The following PARD3 variants were observed in gnomAD, a reference collection of about 807,000 sequenced individuals.
The protein encoded by PARD3 is par-3 family cell polarity regulator.
A neutral mutation model predicts 155.4 loss-of-function variants in PARD3; 75 were observed. That is an observed-to-expected ratio of 0.48 (90% CI 0.40 to 0.58). The LOEUF (loss-of-function observed/expected upper bound fraction) is 0.58. Ranked by LOEUF, PARD3 falls within the 20% of genes least tolerant of loss-of-function variation. The pLI, the probability that PARD3 is intolerant of heterozygous loss-of-function variation, is 0.00. For synonymous variants in PARD3, 576 were observed against 610.5 expected, an observed-to-expected ratio of 0.94 and a Z score of 0.83; for missense variants, 1,642 against 1,721.7, an observed-to-expected ratio of 0.95 and a Z score of 0.82.
intron 2 of PARD3, among the ~76,000 whole-genome samples, chr10:34,577,365 G>A (rs988649329): frequency 2.0e-5 from 3 of 152,124 alleles, no homozygotes; most frequent in Non-Finnish European, 2.9e-5. Context: ...ATATGCTGTA[G>A]AATTTGCTTA....
At chr10:34,677,800 C>A (rs1424843428) in intron 2 of PARD3, among the ~76,000 whole-genome samples, 1 of 152,074 alleles carries the variant, frequency 6.6e-6, no homozygotes, top group East Asian at 1.9e-4. Context: ...TGAAAGACCA[C>A]CGGAGGGCAC....
chr10:34,610,508 G>T (rs1294548424), intron 2 of PARD3, among the ~76,000 whole-genome samples: 5 of 152,148 alleles, frequency 3.3e-5, no homozygotes, highest in Non-Finnish European at 7.4e-5. Flanking sequence ...CCCAAAAAGG[G>T]TTACGTGTGG....
At chr10:34,200,135 A>G (rs1951143807) in intron 22 of PARD3, among the ~76,000 whole-genome samples, 1 of 152,202 alleles carries the variant, frequency 6.6e-6, no homozygotes, top group Non-Finnish European at 1.5e-5. Flanking sequence ...AGTTATGTTA[A>G]GTGGCTTCAA....
intron 2 of PARD3, among the ~76,000 whole-genome samples, chr10:34,566,700 GC>G (rs2085969089): frequency 6.6e-6 from 1 of 152,022 alleles, no homozygotes; most frequent in African/African-American, 2.4e-5. Context: ...TTACACAAAA[GC>G]CCCATCATAG....
intron 2 of PARD3, among the ~76,000 whole-genome samples, chr10:34,692,352 C>T (rs2094081175): frequency 1.3e-5 from 2 of 152,032 alleles, no homozygotes; most frequent in South Asian, 4.1e-4. Flanking sequence ...CTGGACGAGA[C>T]TTCATGATGA....
At chr10:34,294,352 T>C (rs1456522112) in intron 20 of PARD3, among the ~76,000 whole-genome samples, 1 of 152,198 alleles carries the variant, frequency 6.6e-6, no homozygotes, top group African/African-American at 2.4e-5. Context: ...TTCTTACCCT[T>C]GTATGTTCAT....
chr10:34,725,753 C>T (rs147597824), intron 1 of PARD3, among the ~76,000 whole-genome samples: 139 of 152,312 alleles, frequency 9.1e-4, no homozygotes, highest in African/African-American at 3.2e-3. Context: ...GAAAGAAACT[C>T]AGATGACACA....
rs186976532 is a variant in PARD3 at position 34,720,368 on chromosome 10, T to G, written c.121-23949A>C. ...TGATTCTCTGAGGCAGAAGAATTGCTTGAAACCAGGAGGTAGAGGTTGCAG... is the reference window on the plus strand; with the variant it reads ...TGATTCTCTGAGGCAGAAGAATTGCGTGAAACCAGGAGGTAGAGGTTGCAG... On this transcript the variant is annotated intron_variant, in intron 1 of 24. Coordinates refer to ENST00000374788, the MANE Select transcript of PARD3 (RefSeq NM_001184785.2). 3.8e-3 allele frequency among the ~76,000 whole-genome samples: 555 copies of G among 147,232 alleles called. 3 individuals carry two copies. The highest frequency in any genetic ancestry group is 0.014 in the African/African-American group (527 of 38,962).
At chr10:34,402,482 TTTCACATA>T (rs1843994200) in intron 5 of PARD3, among the ~76,000 whole-genome samples, 1 of 152,134 alleles carries the variant, frequency 6.6e-6, no homozygotes, top group Admixed American at 6.5e-5. Context: ...TCCCGTAAAA[TTTCACATA>T]AAGTTACCCT....
intron 22 of PARD3, among the ~76,000 whole-genome samples, chr10:34,188,528 G>A (rs922894727): frequency 8.6e-5 from 13 of 151,938 alleles, no homozygotes; most frequent in Non-Finnish European, 1.6e-4. Context: ...ACCAGCCAAC[G>A]GTACATGCAC....
At chr10:34,349,447 T>C (rs1837769836) in intron 14 of PARD3, among the ~76,000 whole-genome samples, 1 of 151,976 alleles carries the variant, frequency 6.6e-6, no homozygotes, top group South Asian at 2.1e-4. Context: ...CATTTGTTTT[T>C]TTTAAAATTG....
intron 3 of PARD3, among the ~76,000 whole-genome samples, chr10:34,500,873 G>T (rs2080651624): frequency 6.6e-6 from 1 of 152,148 alleles, no homozygotes; most frequent in South Asian, 2.1e-4. Context: ...GAGAGTACCA[G>T]TGAAAGAATG....
At chr10:34,240,963 C>T (rs751904665) in intron 22 of PARD3, among the ~76,000 whole-genome samples, 4 of 152,150 alleles carry the variant, frequency 2.6e-5, no homozygotes, top group Non-Finnish European at 4.4e-5. Flanking sequence ...GAGCAGCCAC[C>T]GTCTGCCAGC....
chr10:34,640,758 T>C (rs2092653695), intron 2 of PARD3, among the ~76,000 whole-genome samples: 1 of 131,784 alleles, frequency 7.6e-6, no homozygotes, highest in Non-Finnish European at 1.6e-5. Context: ...GAACACAATT[T>C]GACAACACCT....
At chr10:34,127,732 G>A (rs962430830) in intron 23 of PARD3, among the ~76,000 whole-genome samples, 3 of 152,224 alleles carry the variant, frequency 2.0e-5, no homozygotes, top group African/African-American at 7.2e-5. Context: ...GGTTGGAACT[G>A]TGTGCATGTG....
At chr10:34,730,232 T>A (rs1193118432) in intron 1 of PARD3, among the ~76,000 whole-genome samples, 2 of 152,044 alleles carry the variant, frequency 1.3e-5, no homozygotes, top group African/African-American at 4.8e-5. Context: ...CAACAATATA[T>A]AAAGAGAAGT....
chr10:34,694,167 AAAC>A (rs1398646918), intron 2 of PARD3, among the ~76,000 whole-genome samples: 6 of 82,934 alleles, frequency 7.2e-5, no homozygotes, highest in East Asian at 2.6e-4. Flanking sequence ...AAAAAAAAAG[AAAC>A]AAAAAAAAGA....
At chr10:34,149,788 T>C (rs1948693735) in intron 22 of PARD3, among the ~76,000 whole-genome samples, 1 of 152,220 alleles carries the variant, frequency 6.6e-6, no homozygotes, top group African/African-American at 2.4e-5. Flanking sequence ...ATTCTCCACA[T>C]GAACTAACAT....
rs1422424096 is a variant in PARD3, at chr10:34,288,449, C to A, written c.3066-4204G>T. Among the ~76,000 whole-genome samples, 7 of 152,130 alleles carry A rather than the reference C, an allele frequency of 4.6e-5. No individual in the cohort carries two copies. In the East Asian group the frequency reaches 1.4e-3, roughly 29 times the overall value. ...CAACTGTAAATAAAAAATACACTAG[C>A]CATTCTAAAATGTAAAAAAGAAAAA... On this transcript the variant is annotated intron_variant, in intron 20 of 24. Transcript: ENST00000374788.
Sources: gnomAD v4.1 joint callset for allele counts (sites outside exome capture counted in the v4.1 genomes callset) on GRCh38, gnomAD v4.1.1 for gene constraint, MANE v1.5 for transcripts, NCBI Gene and HGNC (gene_info 2026-07-23, HGNC 2026-07-21) for gene names.